HACE1: variants seen among roughly 807,000 people sequenced by gnomAD.
HACE1 encodes the protein HECT domain and ankyrin repeat containing E3 ubiquitin protein ligase 1, also known as E3 ubiquitin-protein ligase HACE1.
Under a neutral mutation model 118.4 loss-of-function variants are expected in HACE1, and 73 were observed. The ratio of observed to expected loss-of-function variants is 0.62; its 90% CI spans 0.51 to 0.75. The LOEUF (loss-of-function observed/expected upper bound fraction) is 0.75. HACE1 is among the 30% of genes least tolerant of loss of function. The pLI is 0.00. For synonymous variants in HACE1, 368 were observed against 374.8 expected (o/e 0.98, Z 0.21); for missense variants, 749 against 1,102.2 (o/e 0.68, Z 4.54).
intron 22 of HACE1, among the ~76,000 whole-genome samples, chr6:104,737,882 GACAA>G (rs1361822212): frequency 6.6e-6 from 1 of 152,204 alleles, no homozygotes; most frequent in Non-Finnish European, 1.5e-5. Flanking sequence ...GCAGGGCACA[GACAA>G]ACAAAAAGAC....
At chr6:104,803,300 T>C (rs1387254000) in intron 7 of HACE1, among the ~76,000 whole-genome samples, 4 of 152,164 alleles carry the variant, frequency 2.6e-5, no homozygotes, top group African/African-American at 4.8e-5. Context: ...GAATGGCTGA[T>C]ACCATTCCTT....
At chr6:104,749,690 T>C (rs868341397) in intron 20 of HACE1, among the ~76,000 whole-genome samples, 1 of 151,950 alleles carries the variant, frequency 6.6e-6, no homozygotes, top group Non-Finnish European at 1.5e-5. Flanking sequence ...TCAAAGAGTT[T>C]AAAAATAATT....
chr6:104,768,320 T>C (rs1390573746), intron 19 of HACE1, among the ~76,000 whole-genome samples: 1 of 151,664 alleles, frequency 6.6e-6, no homozygotes, highest in Non-Finnish European at 1.5e-5. Flanking sequence ...ACCTATAAAG[T>C]AAAAAGCTGA....
At chr6:104,741,781 G>C (rs1308330524) in intron 22 of HACE1, among the ~76,000 whole-genome samples, 2 of 147,382 alleles carry the variant, frequency 1.4e-5, no homozygotes, top group African/African-American at 5.0e-5. Context: ...AGCTACCAAT[G>C]ACTTTCTTCA....
chr6:104,807,791 G>A (rs1366202648), intron 7 of HACE1, among the ~76,000 whole-genome samples: 1 of 152,154 alleles, frequency 6.6e-6, no homozygotes, highest in Non-Finnish European at 1.5e-5. Flanking sequence ...ATAATGTCCT[G>A]TCCAGAGTAT....
chr6:104,823,392 C>G (rs1772987573), intron 6 of HACE1, among the ~76,000 whole-genome samples: 1 of 151,676 alleles, frequency 6.6e-6, no homozygotes. Flanking sequence ...CAAGATCATG[C>G]CACTGCTCCA....
At chr6:104,779,498 G>C (rs1347855733) in intron 14 of HACE1, among the ~76,000 whole-genome samples, 1 of 152,126 alleles carries the variant, frequency 6.6e-6, no homozygotes, top group Non-Finnish European at 1.5e-5. Flanking sequence ...ACTTGTAACA[G>C]TCTTCCACAT....
In HACE1 at chr6:104,846,892, A is replaced by G. The variant is rs375211372; in HGVS notation, c.326+2250T>C. ...CAAAATATTTAAGTATTGAATATCA[A>G]GAGTAATCTTTATAGAAACAGAAAG... On this transcript the variant is annotated intron_variant, in intron 4 of 23. Transcript: ENST00000262903. Among the ~76,000 whole-genome samples, 7 of 152,368 alleles carry G rather than the reference A, an allele frequency of 4.6e-5. No homozygotes were observed. In the South Asian group the frequency reaches 1.0e-3, roughly 23 times the overall value.
chr6:104,792,080 C>T (rs1420446564), intron 10 of HACE1, among the ~76,000 whole-genome samples: 2 of 152,120 alleles, frequency 1.3e-5, no homozygotes, highest in South Asian at 2.1e-4. Context: ...ACTGTTTTAA[C>T]GAAGAAGCTA....
chr6:104,828,727 G>T (rs1229212677), intron 6 of HACE1, among the ~76,000 whole-genome samples: 2 of 151,884 alleles, frequency 1.3e-5, no homozygotes, highest in African/African-American at 4.8e-5. Flanking sequence ...TACCTCTAAT[G>T]CAACAGCTGC....
At chr6:104,795,486 C>T in intron 10 of HACE1, 93 bp downstream of exon 10, 1 of 813,332 alleles carries the variant, frequency 1.2e-6, no homozygotes, top group Non-Finnish European at 2.2e-6. Flanking sequence ...ATCGTTATCA[C>T]TGACAAAAGG....
chr6:104,796,258 A>C (rs1051381393), intron 9 of HACE1, among the ~76,000 whole-genome samples: 19 of 151,954 alleles, frequency 1.3e-4, no homozygotes, highest in Non-Finnish European at 2.2e-4. Flanking sequence ...CTACAGATGC[A>C]TGCCACTACA....
At chr6:104,786,876 A>G (rs1782475285) in intron 11 of HACE1, 1 of 152,218 alleles carries the variant, frequency 6.6e-6, no homozygotes, top group South Asian at 2.1e-4. Flanking sequence ...TATTTCAAGG[A>G]AAGAAATAAT....
chr6:104,799,147 T>C (rs1770016720), intron 7 of HACE1, among the ~76,000 whole-genome samples: 1 of 152,228 alleles, frequency 6.6e-6, no homozygotes, highest in Non-Finnish European at 1.5e-5. Flanking sequence ...CTCAATCCTC[T>C]GTGCAAAGTC....
chr6:104,729,713 G>C lies in HACE1; in HGVS notation c.2679C>G (p.Asp893Glu), dbSNP rs777986046. The change falls in exon 24 of 24, where the codon GAC (aspartate) becomes GAG (glutamate). Residue 893 changes from aspartate to glutamate, a missense_variant. This residue lies in a region of HACE1 where 165 missense variants were observed against 229.9 expected (regional missense o/e 0.72). Coordinates refer to ENST00000262903, the MANE Select transcript of HACE1 (RefSeq NM_020771.4). ...CACAATGTAGTGCCACAAGAAGTCT[G>C]TCCTTGAGTATTTCTTTACTTGGGT... ...PEYPSKEILKDRLLVALHCGS... is the reference protein window; with the variant it reads ...PEYPSKEILKERLLVALHCGS... 6.3e-7 allele frequency: 1 copy of C among 1,590,204 alleles called. No homozygotes were observed. Among genetic ancestry groups the C allele is most frequent in the South Asian group, 1.1e-5 (1 of 90,638 alleles).
intron 20 of HACE1, among the ~76,000 whole-genome samples, chr6:104,748,687 T>C (rs967561763): frequency 1.3e-5 from 2 of 151,950 alleles, no homozygotes; most frequent in Admixed American, 6.6e-5. Flanking sequence ...TCATCAAGAG[T>C]AGAAAAGACT....
At chr6:104,791,355 A>C (rs920243482) in intron 11 of HACE1, 149 bp downstream of exon 11, 1 of 695,560 alleles carries the variant, frequency 1.4e-6, no homozygotes, top group African/African-American at 1.7e-5. Context: ...CAGAGTTGAG[A>C]GGAGAAAGGT....
intron 14 of HACE1, among the ~76,000 whole-genome samples, chr6:104,778,368 G>A (rs187843020): frequency 1.3e-5 from 2 of 151,380 alleles, no homozygotes; most frequent in Admixed American, 1.3e-4. Flanking sequence ...CTAACACAGA[G>A]TAACACAATA....
chr6:104,770,087 C>T (rs1012959794), intron 19 of HACE1, among the ~76,000 whole-genome samples: 1 of 152,028 alleles, frequency 6.6e-6, no homozygotes, highest in Non-Finnish European at 1.5e-5. Flanking sequence ...AAACATAACC[C>T]TTTTTAAAAT....
Sources: gnomAD v4.1 joint callset for allele counts (sites outside exome capture counted in the v4.1 genomes callset) on GRCh38, gnomAD v4.1.1 for gene constraint, gnomAD v4.1.1 regional missense constraint, MANE v1.5 for transcripts, NCBI Gene and HGNC (gene_info 2026-07-23, HGNC 2026-07-21) for gene names.